ZNF804B: variants seen among roughly 807,000 people sequenced by gnomAD.
ZNF804B encodes the protein zinc finger protein 804B, also known as zinc finger 804B.
A neutral mutation model predicts 101.4 loss-of-function variants in ZNF804B; 80 were observed. The observed-to-expected ratio is 0.79, with a 90% CI of 0.66 to 0.95. The LOEUF is 0.95. ZNF804B is among the 40% of genes least tolerant of loss of function. The probability of loss-of-function intolerance (pLI) is 0.00; values close to 1 mark genes in which losing one functional copy is unlikely to be tolerated. For missense variants in ZNF804B, 1,673 were observed against 1,561.9 expected, an observed-to-expected ratio of 1.07 and a Z score of -1.20; for synonymous variants, 622 against 558.8, an observed-to-expected ratio of 1.11 and a Z score of -1.59.
intron 2 of ZNF804B, among the ~76,000 whole-genome samples, chr7:89,326,701 A>G (rs1237779537): frequency 3.3e-5 from 5 of 152,180 alleles, no homozygotes; most frequent in African/African-American, 9.6e-5. Flanking sequence ...ATTGTTTTAG[A>G]GAAAATATTA....
chr7:89,129,208 T>G (rs1562891927), intron 1 of ZNF804B, among the ~76,000 whole-genome samples: 2 of 152,054 alleles, frequency 1.3e-5, no homozygotes. Flanking sequence ...CCTCCATGAA[T>G]GGATCATTAT....
intron 1 of ZNF804B, among the ~76,000 whole-genome samples, chr7:89,056,824 A>G (rs1789302755): frequency 1.3e-5 from 2 of 152,146 alleles, no homozygotes; most frequent in Admixed American, 6.6e-5. Flanking sequence ...AAGTCAATAC[A>G]CTAAGACTCT....
intron 1 of ZNF804B, among the ~76,000 whole-genome samples, chr7:89,136,764 T>TGTGTGTGTGTGTGC (rs1554368480): frequency 6.8e-6 from 1 of 146,392 alleles, no homozygotes; most frequent in African/African-American, 2.6e-5. Flanking sequence ...TGTGTGTGTG[T>TGTGTGTGTGTGTGC]GCGCGCACGT....
At chr7:88,850,535 A>T (rs967262189) in intron 1 of ZNF804B, among the ~76,000 whole-genome samples, 3 of 152,126 alleles carry the variant, frequency 2.0e-5, no homozygotes, top group Non-Finnish European at 2.9e-5. Flanking sequence ...CATCAATCAG[A>T]GTGAAAAATC....
At chr7:89,006,975 G>C (rs562202952) in intron 1 of ZNF804B, among the ~76,000 whole-genome samples, 1 of 152,204 alleles carries the variant, frequency 6.6e-6, no homozygotes, top group East Asian at 1.9e-4. Context: ...GATGAAGTGC[G>C]TGTTGGCCTC....
At position 89,000,875 on chromosome 7, in the gene ZNF804B, T is replaced by C. The variant is rs369926407; in HGVS notation, c.109-217280T>C. Among the ~76,000 whole-genome samples, 4 of 149,154 alleles carry C rather than the reference T, an allele frequency of 2.7e-5. No individual in the cohort carries two copies. The South Asian group carries it at 6.3e-4, about 23-fold the overall frequency. On this transcript the variant is annotated intron_variant, in intron 1 of 3. Transcript: ENST00000333190. ...ATATAGAGAGATATCATATATGATA[T>C]ATATTATATGCCACAATATATATTC...
At chr7:88,981,583 C>G (rs1349419917) in intron 1 of ZNF804B, among the ~76,000 whole-genome samples, 3 of 152,006 alleles carry the variant, frequency 2.0e-5, no homozygotes, top group Admixed American at 2.0e-4. Flanking sequence ...TCCTAGTGGC[C>G]TAGACTACCT....
At chr7:88,933,525 T>C (rs562234777) in intron 1 of ZNF804B, among the ~76,000 whole-genome samples, 77 of 152,076 alleles carry the variant, frequency 5.1e-4, no homozygotes, top group Non-Finnish European at 8.5e-4. Context: ...GATATGATTG[T>C]ATACCTAGAA....
At chr7:89,325,958 G>A (rs947539264) in intron 2 of ZNF804B, among the ~76,000 whole-genome samples, 1 of 151,970 alleles carries the variant, frequency 6.6e-6, no homozygotes. Flanking sequence ...CATAGGGTCC[G>A]AGGAAGTGAG....
In ZNF804B at chr7:89,083,791, G is replaced by T. The variant is rs559124611; in HGVS notation, c.109-134364G>T. Among the ~76,000 whole-genome samples, 4 of 151,962 alleles carry T rather than the reference G, an allele frequency of 2.6e-5. No individual in the cohort carries two copies. In the South Asian group the frequency reaches 6.2e-4, roughly 24 times the overall value. ...GGATTAAGTTTATACCTGAAAAAGA[G>T]TGTATTTCTTCTATTTGTCTTTGTG... On this transcript the variant is annotated intron_variant, in intron 1 of 3. Transcript: ENST00000333190.
intron 1 of ZNF804B, among the ~76,000 whole-genome samples, chr7:88,917,608 C>T (rs1461915238): frequency 6.6e-6 from 1 of 152,106 alleles, no homozygotes; most frequent in Non-Finnish European, 1.5e-5. Flanking sequence ...ATATGGCCCT[C>T]ATAGCAGTCA....
At chr7:89,156,013 C>CTT (rs1790958017) in intron 1 of ZNF804B, among the ~76,000 whole-genome samples, 2 of 117,948 alleles carry the variant, frequency 1.7e-5, no homozygotes, top group African/African-American at 3.2e-5. Context: ...CTTTCTTTCT[C>CTT]TCTTTCCTTT....
chr7:88,868,301 A>G (rs1791767551), intron 1 of ZNF804B, among the ~76,000 whole-genome samples: 1 of 152,078 alleles, frequency 6.6e-6, no homozygotes, highest in African/African-American at 2.4e-5. Context: ...TGCTCATTGA[A>G]CAGCTCATGA....
At chr7:88,905,820 A>G (rs1792461177) in intron 1 of ZNF804B, among the ~76,000 whole-genome samples, 1 of 149,316 alleles carries the variant, frequency 6.7e-6, no homozygotes, top group Admixed American at 6.7e-5. Flanking sequence ...AATTTGAAAT[A>G]GTTTCAGTGG....
intron 1 of ZNF804B, among the ~76,000 whole-genome samples, chr7:89,004,669 T>G (rs2116179315): frequency 6.6e-6 from 1 of 152,050 alleles, no homozygotes; most frequent in East Asian, 1.9e-4. Context: ...TTATTTGCTC[T>G]TTTAAAACTT....
chr7:89,328,826 AT>A (rs1790933224), intron 3 of ZNF804B, among the ~76,000 whole-genome samples: 1 of 151,808 alleles, frequency 6.6e-6, no homozygotes, highest in African/African-American at 2.4e-5. Context: ...AACAAATATA[AT>A]TTTGGTTGTT....
At chr7:89,130,561 C>T (rs1348028858) in intron 1 of ZNF804B, among the ~76,000 whole-genome samples, 1 of 151,706 alleles carries the variant, frequency 6.6e-6, no homozygotes, top group Non-Finnish European at 1.5e-5. Flanking sequence ...TGTTCTGACC[C>T]CTGAAGGTTA....
At chr7:89,197,500 T>C (rs1449606178) in intron 1 of ZNF804B, among the ~76,000 whole-genome samples, 1 of 152,128 alleles carries the variant, frequency 6.6e-6, no homozygotes, top group East Asian at 1.9e-4. Flanking sequence ...TTCATTTTTC[T>C]TCCTCTTTTC....
chr7:88,938,335 A>T (rs1040675039), intron 1 of ZNF804B, among the ~76,000 whole-genome samples: 1 of 151,988 alleles, frequency 6.6e-6, no homozygotes, highest in African/African-American at 2.4e-5. Flanking sequence ...TCTCTTTAGG[A>T]TTGGGAGGGT....
Sources: gnomAD v4.1 joint callset for allele counts (sites outside exome capture counted in the v4.1 genomes callset) on GRCh38, gnomAD v4.1.1 for gene constraint, MANE v1.5 for transcripts, NCBI Gene and HGNC (gene_info 2026-07-23, HGNC 2026-07-21) for gene names.